The following DCC variants were observed in gnomAD, a reference collection of about 807,000 sequenced individuals.
DCC encodes netrin receptor DCC.
A neutral mutation model predicts 172.5 loss-of-function variants in DCC; 58 were observed. The ratio of observed to expected loss-of-function variants is 0.34; its 90% CI spans 0.27 to 0.42. The LOEUF (loss-of-function observed/expected upper bound fraction) is 0.42. Among genes scored for constraint, DCC ranks in the 10% least tolerant of loss-of-function variants. The pLI is 1.00. For missense variants in DCC, 1,740 were observed against 1,791.0 expected (o/e 0.97, Z 0.51); for synonymous variants, 709 against 644.5 (o/e 1.10, Z -1.52).
intron 7 of DCC, among the ~76,000 whole-genome samples, chr18:53,128,868 CACATATAT>C (rs1315505477): frequency 2.6e-4 from 15 of 57,434 alleles, no homozygotes; most frequent in African/African-American, 1.3e-3. Flanking sequence ...CACACACACA[CACATATAT>C]ATATATATAT....
At chr18:53,264,081 G>A (rs1797682962) in intron 12 of DCC, among the ~76,000 whole-genome samples, 1 of 152,114 alleles carries the variant, frequency 6.6e-6, no homozygotes, top group Admixed American at 6.5e-5. Flanking sequence ...CATCAGCATA[G>A]GAAACATTCT....
At chr18:52,585,811 C>A (rs55910827) in intron 1 of DCC, among the ~76,000 whole-genome samples, 1 of 152,120 alleles carries the variant, frequency 6.6e-6, no homozygotes, top group East Asian at 1.9e-4. Context: ...CGGCCGGGCG[C>A]GGTGGCTCAC....
At chr18:53,315,380 G>C (rs1009341856) in intron 13 of DCC, among the ~76,000 whole-genome samples, 1 of 152,082 alleles carries the variant, frequency 6.6e-6, no homozygotes, top group Non-Finnish European at 1.5e-5. Context: ...CATTTGCATT[G>C]GTTCCAAGTC....
chr18:52,467,877 C>T (rs1988833004), intron 1 of DCC, among the ~76,000 whole-genome samples: 1 of 152,094 alleles, frequency 6.6e-6, no homozygotes, highest in African/African-American at 2.4e-5. Flanking sequence ...GACCCTTTGC[C>T]CACTTTATGA....
Position 52,790,431 on chromosome 18 carries a change from AAG to A in DCC, c.412+38064_412+38065del, listed in dbSNP as rs528418422. ...TACCTCTTTTACCAGTTTGCATGGG[AAG>A]AGAGAGGCCAAAAGCCTGAATGGTA... On this transcript the variant is annotated intron_variant, in intron 2 of 28. Coordinates refer to ENST00000442544, the MANE Select transcript of DCC (RefSeq NM_005215.4). Among the ~76,000 whole-genome samples the A allele has an allele frequency of 4.6e-5, 7 of 152,280 alleles. No individual in the cohort carries two copies. The East Asian group carries it at 1.3e-3, about 29-fold the overall frequency.
At chr18:52,366,081 T>C (rs1232343305) in intron 1 of DCC, among the ~76,000 whole-genome samples, 1 of 152,158 alleles carries the variant, frequency 6.6e-6, no homozygotes, top group Admixed American at 6.5e-5. Context: ...GTAATGCCTA[T>C]CATTTTTACG....
intron 1 of DCC, among the ~76,000 whole-genome samples, chr18:52,524,193 GT>G (rs1164046763): frequency 5.3e-5 from 8 of 152,112 alleles, no homozygotes; most frequent in Non-Finnish European, 8.8e-5. Flanking sequence ...ATTCTTTAAA[GT>G]TAAGACAAAA....
chr18:53,088,551 A>G (rs1052358122), intron 7 of DCC, among the ~76,000 whole-genome samples: 1 of 152,190 alleles, frequency 6.6e-6, no homozygotes, highest in Admixed American at 6.5e-5. Context: ...GTCTGCAAAT[A>G]GAGACACTAA....
At chr18:53,261,540 A>T (rs977863697) in intron 12 of DCC, among the ~76,000 whole-genome samples, 4 of 152,024 alleles carry the variant, frequency 2.6e-5, no homozygotes, top group African/African-American at 9.7e-5. Flanking sequence ...GCTTGTTTTG[A>T]GGTGGGCAGG....
At chr18:53,479,176 T>G (rs984933851) in intron 25 of DCC, among the ~76,000 whole-genome samples, 2 of 152,226 alleles carry the variant, frequency 1.3e-5, no homozygotes, top group Non-Finnish European at 2.9e-5. Context: ...AAAGCACACT[T>G]AAATTTGCAT....
intron 26 of DCC, among the ~76,000 whole-genome samples, chr18:53,487,991 C>A (rs767338704): frequency 6.6e-6 from 1 of 152,156 alleles, no homozygotes; most frequent in Non-Finnish European, 1.5e-5. Context: ...GCCTTCTTCA[C>A]TTCTAAAATG....
chr18:52,846,555 T>A (rs1208260812), intron 2 of DCC, among the ~76,000 whole-genome samples: 3 of 146,186 alleles, frequency 2.1e-5, no homozygotes, highest in South Asian at 2.2e-4. Context: ...AAAAAAAAAA[T>A]TCAGATTTAA....
chr18:52,659,237 G>A (rs1337141986), intron 1 of DCC, among the ~76,000 whole-genome samples: 1 of 152,120 alleles, frequency 6.6e-6, no homozygotes, highest in East Asian at 1.9e-4. Flanking sequence ...TGAATTGATA[G>A]TCAAGGCTCA....
chr18:52,452,241 GA>G (rs1422336518), intron 1 of DCC, among the ~76,000 whole-genome samples: 2 of 152,166 alleles, frequency 1.3e-5, no homozygotes, highest in African/African-American at 4.8e-5. Flanking sequence ...TCAGTTACCT[GA>G]AAAATATGCT....
chr18:52,756,089 C>G (rs1047521176), intron 2 of DCC, among the ~76,000 whole-genome samples: 1 of 152,214 alleles, frequency 6.6e-6, no homozygotes, highest in African/African-American at 2.4e-5. Flanking sequence ...GTAAAGAATA[C>G]CTGGGCTATT....
At chr18:53,448,564 G>A (rs762097423) in intron 22 of DCC, among the ~76,000 whole-genome samples, 67 of 152,086 alleles carry the variant, frequency 4.4e-4, no homozygotes, top group Non-Finnish European at 9.1e-4. Flanking sequence ...GCCAAATCAC[G>A]TCAGTATTAT....
Position 52,362,788 on chromosome 18 carries a change from C to A in DCC, c.91+21910C>A, listed in dbSNP as rs574476007. On this transcript the variant is annotated intron_variant, in intron 1 of 28. Transcript: ENST00000442544. ...TTCTCTTTGTTCTTTTAGCCCCCCC[C>A]ACTCCCCTCCTCCCTCCATAAACCA... Among the ~76,000 whole-genome samples, 9 of 152,038 alleles carry A rather than the reference C, an allele frequency of 5.9e-5. No individual in the cohort carries two copies. In the East Asian group the frequency reaches 1.7e-3, roughly 29 times the overall value.
At chr18:53,206,486 A>ATGTATTACATATCT in intron 10 of DCC, among the ~76,000 whole-genome samples, 1 of 92,968 alleles carries the variant, frequency 1.1e-5, no homozygotes, top group Admixed American at 1.1e-4. Flanking sequence ...TATAATATAT[A>ATGTATTACATATCT]ATGTATATGT....
intron 2 of DCC, among the ~76,000 whole-genome samples, chr18:52,834,026 G>A (rs191821049): frequency 6.6e-6 from 1 of 152,214 alleles, no homozygotes; most frequent in East Asian, 1.9e-4. Flanking sequence ...ATGTGCTTGG[G>A]TACATACACA....
Sources: allele counts gnomAD v4.1 joint callset (sites outside exome capture counted in the v4.1 genomes callset), GRCh38; gene constraint gnomAD v4.1.1; transcripts MANE v1.5; gene names NCBI Gene and HGNC (gene_info 2026-07-23, HGNC 2026-07-21).